The following ATXN2 variants were observed in gnomAD, a reference collection of about 807,000 sequenced individuals.
ATXN2 encodes ataxin-2.
ATXN2 carries 37 observed loss-of-function variants against 138.6 expected under a neutral mutation model. The observed-to-expected ratio is 0.27, with a 90% CI of 0.21 to 0.35. The LOEUF (loss-of-function observed/expected upper bound fraction) is 0.35, where lower values mean the gene tolerates loss of function less well. ATXN2 is among the 10% of genes least tolerant of loss of function. ATXN2 has a pLI of 1.00. For synonymous variants in ATXN2, 549 were observed against 543.7 expected (o/e 1.01, Z -0.13); for missense variants, 1,216 against 1,480.3 (o/e 0.82, Z 2.93).
At chr12:111,508,104 C>T (rs1427020195) in intron 14 of ATXN2, among the ~76,000 whole-genome samples, 1 of 151,850 alleles carries the variant, frequency 6.6e-6, no homozygotes, top group Non-Finnish European at 1.5e-5. Context: ...CCACTATTGT[C>T]CTATGACCCT....
At chr12:111,554,488 T>C (rs1882285376) in intron 2 of ATXN2, among the ~76,000 whole-genome samples, 1 of 152,230 alleles carries the variant, frequency 6.6e-6, no homozygotes, top group Non-Finnish European at 1.5e-5. Context: ...TATGATATCT[T>C]ACATGTATTA....
Position 111,510,377 on chromosome 12 carries a change from T to C in ATXN2, c.1756+8A>G. ...AGATTATGGATCCAGAAGCCCTTTG[T>C]TACATACCCTCACTAGAAGGGGTAA... is the stretch of plus-strand genomic sequence containing the variant. On this transcript the variant is annotated splice_region_variant and intron_variant, in intron 12 of 24. Coordinates refer to ENST00000673436, the MANE Select transcript of ATXN2 (RefSeq NM_001372574.1). 2 of 1,612,790 alleles carry C rather than the reference T, an allele frequency of 1.2e-6. No homozygotes were observed. The highest frequency in any genetic ancestry group is 1.7e-6 in the Non-Finnish European group (2 of 1,179,068).
intron 2 of ATXN2, among the ~76,000 whole-genome samples, chr12:111,554,697 G>A (rs1003383355): frequency 1.3e-5 from 2 of 152,188 alleles, no homozygotes; most frequent in Admixed American, 1.3e-4. Flanking sequence ...TGGAGAGAGA[G>A]GAGGGTTCAC....
chr12:111,543,456 T>C (rs1286107683), intron 5 of ATXN2, among the ~76,000 whole-genome samples: 4 of 152,122 alleles, frequency 2.6e-5, no homozygotes, highest in Non-Finnish European at 4.4e-5. Flanking sequence ...ATTTTTGAGA[T>C]GGAGTCTCGC....
At chr12:111,497,916 T>G (rs1878527399) in intron 14 of ATXN2, among the ~76,000 whole-genome samples, 1 of 152,052 alleles carries the variant, frequency 6.6e-6, no homozygotes, top group South Asian at 2.1e-4. Flanking sequence ...CTCGGGAGGC[T>G]GAGGCAGGAG....
At chr12:111,585,769 C>T (rs1288459940) in intron 1 of ATXN2, among the ~76,000 whole-genome samples, 1 of 142,540 alleles carries the variant, frequency 7.0e-6, no homozygotes, top group Non-Finnish European at 1.5e-5. Flanking sequence ...CCATTGCACT[C>T]CAGCCTGGGT....
chr12:111,456,341 A>G (rs532036193), intron 22 of ATXN2, 85 bp from the exon 23 acceptor site: 84 of 1,420,786 alleles, frequency 5.9e-5, no homozygotes, highest in Non-Finnish European at 7.9e-5. Context: ...AGCTTTGCAC[A>G]CTTGGGCCTA....
At chr12:111,546,381 C>T (rs542507595) in intron 5 of ATXN2, among the ~76,000 whole-genome samples, 30 of 152,300 alleles carry the variant, frequency 2.0e-4, no homozygotes, top group African/African-American at 7.2e-4. Context: ...CAGTCAGCTA[C>T]AACTACTCAA....
chr12:111,536,496 T>C (rs1566049850), intron 5 of ATXN2, among the ~76,000 whole-genome samples: 2 of 152,068 alleles, frequency 1.3e-5, no homozygotes, highest in Non-Finnish European at 2.9e-5. Flanking sequence ...CAGACACTGC[T>C]AGTAGGATTG....
chr12:111,470,035 T>TA (rs978481361), intron 20 of ATXN2, 73 bp downstream of exon 20: 9 of 1,474,656 alleles, frequency 6.1e-6, no homozygotes, highest in Non-Finnish European at 8.3e-6. Flanking sequence ...TATTCTTAGA[T>TA]AGAGTATGTT....
At chr12:111,589,953 T>C (rs1001042162) in intron 1 of ATXN2, among the ~76,000 whole-genome samples, 7 of 152,194 alleles carry the variant, frequency 4.6e-5, no homozygotes, top group African/African-American at 1.7e-4. Context: ...GCTCATGCTG[T>C]AATCCCAAAA....
At chr12:111,590,763 C>T (rs1884615123) in intron 1 of ATXN2, among the ~76,000 whole-genome samples, 1 of 152,106 alleles carries the variant, frequency 6.6e-6, no homozygotes, top group South Asian at 2.1e-4. Context: ...TGAGCCCCAC[C>T]TGTTAGATCA....
chr12:111,482,491 ACT>A (rs1877316287), intron 18 of ATXN2, among the ~76,000 whole-genome samples: 1 of 151,710 alleles, frequency 6.6e-6, no homozygotes, highest in East Asian at 1.9e-4. Context: ...CCGTGCCCAG[ACT>A]CTGAGTATAT....
At chr12:111,559,129 GTTTT>G (rs1189069436) in intron 1 of ATXN2, among the ~76,000 whole-genome samples, 7 of 149,228 alleles carry the variant, frequency 4.7e-5, no homozygotes, top group African/African-American at 1.0e-4. Flanking sequence ...AAAAATGACA[GTTTT>G]TTGTTTTTTT....
chr12:111,533,203 A>G, intron 5 of ATXN2, among the ~76,000 whole-genome samples: 1 of 152,216 alleles, frequency 6.6e-6, no homozygotes, highest in East Asian at 1.9e-4. Context: ...TATGTTTCCT[A>G]AAGAATAGTG....
At chr12:111,567,888 C>T (rs1245202967) in intron 1 of ATXN2, among the ~76,000 whole-genome samples, 1 of 152,178 alleles carries the variant, frequency 6.6e-6, no homozygotes, top group Non-Finnish European at 1.5e-5. Flanking sequence ...AAACAATATA[C>T]ACAAACAATC....
At chr12:111,534,910 G>C (rs1367351924) in intron 5 of ATXN2, among the ~76,000 whole-genome samples, 2 of 152,250 alleles carry the variant, frequency 1.3e-5, no homozygotes, top group Middle Eastern at 3.4e-3. Flanking sequence ...TGAGATGGGA[G>C]GATCAAGTGA....
chr12:111,513,220 T>C (rs1703448600), intron 11 of ATXN2, 137 bp downstream of exon 11: 1 of 974,302 alleles, frequency 1.0e-6, no homozygotes, highest in African/African-American at 1.7e-5. Flanking sequence ...AAAATATGGG[T>C]TTCCCAATTC....
chr12:111,591,064 G>C (rs536669750), intron 1 of ATXN2, among the ~76,000 whole-genome samples: 1 of 151,982 alleles, frequency 6.6e-6, no homozygotes, highest in Admixed American at 6.6e-5. Flanking sequence ...TAATTTTTTT[G>C]TATTTTTAGT....
Sources: gnomAD v4.1 joint callset for allele counts (sites outside exome capture counted in the v4.1 genomes callset) on GRCh38, gnomAD v4.1.1 for gene constraint, MANE v1.5 for transcripts, NCBI Gene and HGNC (gene_info 2026-07-23, HGNC 2026-07-21) for gene names.